The following DGKB variants were observed in gnomAD, a reference collection of about 807,000 sequenced individuals.
The protein encoded by DGKB is diacylglycerol kinase beta, also known as 90 kDa diacylglycerol kinase.
Under a neutral mutation model 114.3 loss-of-function variants are expected in DGKB, and 67 were observed. The ratio of observed to expected loss-of-function variants is 0.59; its 90% CI spans 0.48 to 0.72. DGKB has a LOEUF of 0.72. Ranked by LOEUF, DGKB falls within the 30% of genes least tolerant of loss-of-function variation. The probability of loss-of-function intolerance (pLI) is 0.00; values close to 1 mark genes in which losing one functional copy is unlikely to be tolerated. For synonymous variants in DGKB, 398 were observed against 323.1 expected, an observed-to-expected ratio of 1.23 and a Z score of -2.49; for missense variants, 907 against 975.2, an observed-to-expected ratio of 0.93 and a Z score of 0.93.
intron 23 of DGKB, among the ~76,000 whole-genome samples, chr7:14,279,920 C>T (rs28814091): frequency 8.6e-4 from 131 of 152,136 alleles, no homozygotes; most frequent in African/African-American, 3.0e-3. Flanking sequence ...AAAAACAGAA[C>T]AGAAAAACTG....
intron 23 of DGKB, among the ~76,000 whole-genome samples, chr7:14,289,108 C>G (rs2128468797): frequency 6.6e-6 from 1 of 152,094 alleles, no homozygotes; most frequent in South Asian, 2.1e-4. Context: ...TAGAATGAGG[C>G]TTTAAAAATG....
intron 13 of DGKB, among the ~76,000 whole-genome samples, chr7:14,662,824 A>G (rs891683598): frequency 6.6e-6 from 1 of 151,910 alleles, no homozygotes; most frequent in African/African-American, 2.4e-5. Context: ...TTCTTCTTAT[A>G]TAACTGTATC....
chr7:14,804,066 T>TGGGGG (rs1842500187), intron 2 of DGKB, among the ~76,000 whole-genome samples: 1 of 130,592 alleles, frequency 7.7e-6, no homozygotes, highest in African/African-American at 3.5e-5. Flanking sequence ...GACTTCACTT[T>TGGGGG]TTGGGTGTGT....
intron 1 of DGKB, among the ~76,000 whole-genome samples, chr7:14,886,933 A>G (rs1780377223): frequency 6.6e-6 from 1 of 151,980 alleles, no homozygotes. Context: ...CTCTTAAGTC[A>G]GCCTTGCAAT....
At chr7:14,855,110 T>A (rs1361991852) in intron 1 of DGKB, among the ~76,000 whole-genome samples, 1 of 152,108 alleles carries the variant, frequency 6.6e-6, no homozygotes, top group Admixed American at 6.6e-5. Context: ...AAATTCAAGG[T>A]GTGAAATGAG....
intron 5 of DGKB, among the ~76,000 whole-genome samples, chr7:14,735,361 G>A (rs747646387): frequency 5.8e-4 from 88 of 152,138 alleles, no homozygotes; most frequent in African/African-American, 4.1e-4. Flanking sequence ...TGCCATCTAA[G>A]GGCAGCACAT....
At chr7:14,933,982 G>A (rs990640053) in intron 1 of DGKB, among the ~76,000 whole-genome samples, 6 of 152,040 alleles carry the variant, frequency 3.9e-5, no homozygotes, top group Non-Finnish European at 4.4e-5. Context: ...CACCCATTGA[G>A]TCTGTAGAAA....
chr7:14,639,947 G>C (rs1023918982), intron 13 of DGKB, among the ~76,000 whole-genome samples: 5 of 152,102 alleles, frequency 3.3e-5, no homozygotes, highest in African/African-American at 1.2e-4. Flanking sequence ...AGAAGGAAGA[G>C]AGGAATGTGA....
At chr7:14,320,520 T>TA (rs561823803) in intron 23 of DGKB, among the ~76,000 whole-genome samples, 178 of 152,062 alleles carry the variant, frequency 1.2e-3, no homozygotes, top group South Asian at 6.0e-3. Flanking sequence ...TCCACATATA[T>TA]ATATGTACCG....
chr7:14,437,933 T>G (rs1236901968), intron 21 of DGKB, among the ~76,000 whole-genome samples: 1 of 151,818 alleles, frequency 6.6e-6, no homozygotes, highest in Non-Finnish European at 1.5e-5. Context: ...TATTTTTTCT[T>G]TAGCATAGGA....
At chr7:14,514,361 T>A (rs1381956781) in intron 20 of DGKB, among the ~76,000 whole-genome samples, 1 of 152,162 alleles carries the variant, frequency 6.6e-6, no homozygotes, top group Non-Finnish European at 1.5e-5. Flanking sequence ...CTTGAAATAA[T>A]CTTTTGAAAA....
At chr7:14,313,320 G>C (rs6461084) in intron 23 of DGKB, among the ~76,000 whole-genome samples, 137 of 152,226 alleles carry the variant, frequency 9.0e-4, no homozygotes, top group Middle Eastern at 6.8e-3. Context: ...CAGCCTGAGC[G>C]ACGCAGAAGA....
chr7:14,212,909 G>C (rs11975923), intron 23 of DGKB, among the ~76,000 whole-genome samples: 1 of 151,798 alleles, frequency 6.6e-6, no homozygotes, highest in African/African-American at 2.4e-5. Context: ...TTTTAAAAAC[G>C]TAAACATTAT....
chr7:14,600,217 C>A (rs974959096), intron 17 of DGKB, among the ~76,000 whole-genome samples: 1 of 152,094 alleles, frequency 6.6e-6, no homozygotes, highest in Non-Finnish European at 1.5e-5. Context: ...AGCTAGTTCC[C>A]TTGAGCCATT....
intron 2 of DGKB, among the ~76,000 whole-genome samples, chr7:14,820,312 T>A (rs1586720818): frequency 6.6e-6 from 1 of 152,226 alleles, no homozygotes; most frequent in Admixed American, 6.5e-5. Context: ...GGCAATCTCG[T>A]GTTAAATAAA....
At chr7:14,309,180 C>T (rs144626670) in intron 23 of DGKB, among the ~76,000 whole-genome samples, 189 of 152,172 alleles carry the variant, frequency 1.2e-3, no homozygotes, top group African/African-American at 4.5e-3. Flanking sequence ...TGTGCCACTG[C>T]ACTCCAGTCT....
intron 23 of DGKB, among the ~76,000 whole-genome samples, chr7:14,309,318 C>T (rs1031941312): frequency 2.2e-4 from 34 of 152,194 alleles, no homozygotes; most frequent in African/African-American, 8.0e-4. Context: ...ATCTCCAATA[C>T]ATTTATGTGA....
rs139053281 is a variant in DGKB at position 14,534,997 on chromosome 7, A to G, written c.1770+39215T>C. 3.7e-3 allele frequency among the ~76,000 whole-genome samples: 570 copies of G among 152,300 alleles called. 6 individuals are homozygous for G. Among genetic ancestry groups the G allele is most frequent in the African/African-American group, 0.013 (531 of 41,568 alleles). On this transcript the variant is annotated intron_variant, in intron 20 of 25. Coordinates refer to ENST00000402815, the MANE Select transcript of DGKB (RefSeq NM_001350709.2). ...TAGAGAATATCATGAGACAAAAATGAAAACAACATATCAAAGCTTATGGGA... is the reference window on the plus strand; with the variant it reads ...TAGAGAATATCATGAGACAAAAATGGAAACAACATATCAAAGCTTATGGGA...
intron 21 of DGKB, among the ~76,000 whole-genome samples, chr7:14,350,689 A>G (rs1175497981): frequency 6.6e-6 from 1 of 151,350 alleles, no homozygotes. Flanking sequence ...TATTATGTAG[A>G]AAACAGAAAG....
Sources: allele counts gnomAD v4.1 joint callset (sites outside exome capture counted in the v4.1 genomes callset), GRCh38; gene constraint gnomAD v4.1.1; transcripts MANE v1.5; gene names NCBI Gene and HGNC (gene_info 2026-07-23, HGNC 2026-07-21).